The following TTLL5 variants were observed in gnomAD, a reference collection of about 807,000 sequenced individuals.
The protein encoded by TTLL5 is tubulin tyrosine ligase like 5.
TTLL5 carries 132 observed loss-of-function variants against 168.4 expected under a neutral mutation model. The ratio of observed to expected loss-of-function variants is 0.78; its 90% CI spans 0.68 to 0.91. TTLL5 has a LOEUF of 0.91. Among genes scored for constraint, TTLL5 ranks in the 40% least tolerant of loss-of-function variants. TTLL5 has a pLI of 0.00. For missense variants in TTLL5, 1,545 were observed against 1,581.5 expected (o/e 0.98, Z 0.39); for synonymous variants, 546 against 558.6 (o/e 0.98, Z 0.32).
chr14:75,878,543 T>C (rs565472332), intron 29 of TTLL5, among the ~76,000 whole-genome samples: 25 of 152,286 alleles, frequency 1.6e-4, no homozygotes, highest in Non-Finnish European at 3.2e-4. Context: ...TCCATCTCAT[T>C]GTCCAGAACA....
intron 26 of TTLL5, among the ~76,000 whole-genome samples, chr14:75,785,095 G>GT (rs933192057): frequency 3.5e-5 from 5 of 143,034 alleles, no homozygotes; most frequent in South Asian, 2.2e-4. Flanking sequence ...CAGTTTATCT[G>GT]TTTTTTTTCT....
At chr14:75,679,654 C>T (rs1884456773) in intron 3 of TTLL5, among the ~76,000 whole-genome samples, 1 of 152,186 alleles carries the variant, frequency 6.6e-6, no homozygotes. Context: ...AAACTTGGCC[C>T]TCAAGAGCCC....
Position 75,699,137 on chromosome 14 carries a change from C to T in TTLL5, c.503-51C>T, listed in dbSNP as rs760125486. The T allele has an allele frequency of 3.3e-6, 5 of 1,503,278 alleles. No individual in the cohort carries two copies. The African/African-American group carries it at 5.5e-5, about 17-fold the overall frequency. 93.1% of individuals were successfully genotyped at this position (1,503,278 alleles called of 1,614,324 possible). ...AAAGTTGATATAATAAACTCAAGTT[C>T]ATTCTTTTTCTTTGTTTCCTCTGTT... On this transcript the variant is annotated intron_variant, in intron 6 of 31. Coordinates refer to ENST00000298832, the MANE Select transcript of TTLL5 (RefSeq NM_015072.5).
Position 75,717,865 on chromosome 14 carries a change from G to A in TTLL5, c.745G>A (p.Ala249Thr). 5.6e-6 allele frequency: 9 copies of A among 1,613,526 alleles called. No individual in the cohort carries two copies. The highest frequency in any genetic ancestry group is 7.6e-6 in the Non-Finnish European group (9 of 1,179,802). Residue 249 changes from alanine (A) to threonine (T), a missense_variant, in exon 10 of 32, where the codon GCA (alanine) becomes ACA (threonine). By Grantham distance (58) the Ala-to-Thr change is moderately conservative. Transcript: ENST00000298832. ...YLYEEGLARFATVRYDQGAKN... is the reference protein window; with the variant it reads ...YLYEEGLARFTTVRYDQGAKN... ...AACCTGTTTCCCTTCTATCAGGTTT[G>A]CAACTGTGCGATATGATCAAGGAGC...
intron 3 of TTLL5, among the ~76,000 whole-genome samples, chr14:75,671,382 C>G (rs1196771816): frequency 2.0e-5 from 3 of 152,124 alleles, no homozygotes; most frequent in African/African-American, 7.2e-5. Context: ...ATTCAGGGTC[C>G]CTTGCAATTC....
intron 15 of TTLL5, chr14:75,744,828 C>T (rs117853144): frequency 0.012 from 2,946 of 237,766 alleles, 33 homozygotes; most frequent in Middle Eastern, 0.019. Flanking sequence ...TAGAAAGTCA[C>T]GTGGACCTCA....
At chr14:75,830,685 A>G (rs527275884) in intron 28 of TTLL5, among the ~76,000 whole-genome samples, 1 of 152,178 alleles carries the variant, frequency 6.6e-6, no homozygotes, top group African/African-American at 2.4e-5. Context: ...CACTTATTCT[A>G]TTTGTTTACT....
At chr14:75,753,481 T>G (rs1222558467) in intron 18 of TTLL5, among the ~76,000 whole-genome samples, 1 of 152,196 alleles carries the variant, frequency 6.6e-6, no homozygotes, top group Non-Finnish European at 1.5e-5. Context: ...CACATACTTT[T>G]GTAGCCCCTG....
At chr14:75,813,117 G>A (rs945130725) in intron 27 of TTLL5, among the ~76,000 whole-genome samples, 6 of 152,008 alleles carry the variant, frequency 3.9e-5, no homozygotes, top group African/African-American at 1.5e-4. Flanking sequence ...CTCAACCTCA[G>A]TTTCCCCATC....
intron 31 of TTLL5, among the ~76,000 whole-genome samples, chr14:75,924,341 G>A (rs1362916248): frequency 1.3e-5 from 2 of 151,080 alleles, no homozygotes; most frequent in Non-Finnish European, 1.5e-5. Flanking sequence ...AGGGGGAGTT[G>A]GCAGGGTCAT....
intron 27 of TTLL5, among the ~76,000 whole-genome samples, chr14:75,800,104 A>T (rs763187882): frequency 8.5e-5 from 13 of 152,140 alleles, no homozygotes; most frequent in Non-Finnish European, 1.6e-4. Context: ...AACACCAGTT[A>T]TTCTTAGGTT....
intron 7 of TTLL5, 139 bp from the exon 8 acceptor site, chr14:75,706,879 G>A: frequency 5.0e-6 from 3 of 604,472 alleles, no homozygotes; most frequent in South Asian, 4.1e-5. Context: ...TGAATATATG[G>A]GTACCTTGGA....
At chr14:75,793,236 C>T in intron 27 of TTLL5, 136 bp downstream of exon 27, 1 of 825,658 alleles carries the variant, frequency 1.2e-6, no homozygotes, top group Non-Finnish European at 1.7e-6. Flanking sequence ...TAGTTGGTTT[C>T]AAGCTAAATT....
At chr14:75,667,243 T>C (rs1159310872) in intron 2 of TTLL5, among the ~76,000 whole-genome samples, 1 of 152,212 alleles carries the variant, frequency 6.6e-6, no homozygotes, top group Non-Finnish European at 1.5e-5. Context: ...ATTTTAAAAT[T>C]GGAGCAGCAA....
chr14:75,946,160 A>T (rs1416680411), intron 31 of TTLL5, among the ~76,000 whole-genome samples: 1 of 152,252 alleles, frequency 6.6e-6, no homozygotes, highest in Non-Finnish European at 1.5e-5. Context: ...TGGGGGCAAC[A>T]TAATGAGCAA....
rs551671613 is a variant in TTLL5, at chr14:75,827,170, TA to T, written c.3326+7010del. ...GTATAGGCTCTTAGTAGCTAAGTCT[TA>T]GTTCCCTTTTTTTGAAAGAAACAAA... On this transcript the variant is annotated intron_variant, in intron 28 of 31. Coordinates refer to ENST00000298832, the MANE Select transcript of TTLL5 (RefSeq NM_015072.5). 9.6e-4 allele frequency among the ~76,000 whole-genome samples: 146 copies of T among 152,358 alleles called. 1 individual carries two copies. Among genetic ancestry groups the T allele is most frequent in the African/African-American group, 3.4e-3 (142 of 41,592 alleles).
intron 31 of TTLL5, among the ~76,000 whole-genome samples, chr14:75,932,403 G>A (rs1008737542): frequency 2.3e-4 from 35 of 152,194 alleles, no homozygotes; most frequent in African/African-American, 8.0e-4. Context: ...TGACTCAGTA[G>A]CAAACTAGGG....
chr14:75,917,288 A>C (rs1343543628), intron 31 of TTLL5, among the ~76,000 whole-genome samples: 1 of 152,216 alleles, frequency 6.6e-6, no homozygotes, highest in Non-Finnish European at 1.5e-5. Context: ...CATTTGAGGA[A>C]ACTAAGGCTG....
chr14:75,778,752 A>G (rs967295458), intron 23 of TTLL5, among the ~76,000 whole-genome samples: 2 of 152,242 alleles, frequency 1.3e-5, no homozygotes, highest in Non-Finnish European at 2.9e-5. Flanking sequence ...GTTAAAGTCC[A>G]TGTGTGATAT....
Sources: gnomAD v4.1 joint callset for allele counts (sites outside exome capture counted in the v4.1 genomes callset) on GRCh38, gnomAD v4.1.1 for gene constraint, MANE v1.5 for transcripts, NCBI Gene and HGNC (gene_info 2026-07-23, HGNC 2026-07-21) for gene names.